The following CSMD1 variants were observed in gnomAD, a reference collection of about 807,000 sequenced individuals.
CSMD1 encodes the protein CUB and sushi domain-containing protein 1.
A neutral mutation model predicts 417.5 loss-of-function variants in CSMD1; 213 were observed. The observed-to-expected ratio is 0.51, with a 90% CI of 0.46 to 0.57. CSMD1 has a LOEUF of 0.57. Ranked by LOEUF, CSMD1 falls within the 20% of genes least tolerant of loss-of-function variation. CSMD1 has a pLI of 0.00. For synonymous variants in CSMD1, 2,862 were observed against 1,736.8 expected (o/e 1.65, Z -16.11); for missense variants, 6,923 against 4,529.7 (o/e 1.53, Z -15.17).
intron 22 of CSMD1, 139 bp downstream of exon 22, chr8:3,347,850 CATT>C: frequency 1.8e-6 from 1 of 563,622 alleles, no homozygotes; most frequent in Non-Finnish European, 2.9e-6. Context: ...TTCTCAAACT[CATT>C]GTGTAAATAA....
At chr8:3,407,614 G>T (rs994491108) in intron 14 of CSMD1, among the ~76,000 whole-genome samples, 2 of 152,172 alleles carry the variant, frequency 1.3e-5, no homozygotes, top group Admixed American at 1.3e-4. Context: ...TGAATGGATG[G>T]ATGGATAAAT....
At chr8:2,972,395 T>C (rs537298779) in intron 57 of CSMD1, among the ~76,000 whole-genome samples, 48 of 152,314 alleles carry the variant, frequency 3.2e-4, no homozygotes, top group African/African-American at 1.1e-3. Flanking sequence ...GAAAATTTAA[T>C]TGAGGAGTTT....
intron 1 of CSMD1, among the ~76,000 whole-genome samples, chr8:4,757,928 C>G (rs987262095): frequency 1.4e-5 from 2 of 147,232 alleles, no homozygotes; most frequent in Non-Finnish European, 3.0e-5. Context: ...CACCTGCACT[C>G]CATCCTGGGC....
intron 3 of CSMD1, among the ~76,000 whole-genome samples, chr8:4,396,627 A>G (rs1037687695): frequency 6.6e-6 from 1 of 151,864 alleles, no homozygotes; most frequent in Non-Finnish European, 1.5e-5. Flanking sequence ...ACACACACAC[A>G]CACACACACA....
chr8:4,076,475 G>C (rs537196677), intron 3 of CSMD1, among the ~76,000 whole-genome samples: 133 of 152,236 alleles, frequency 8.7e-4, no homozygotes, highest in African/African-American at 3.0e-3. Flanking sequence ...GACAGCAGGT[G>C]ATGTTTTTGA....
Position 4,652,851 on chromosome 8 carries a change from G to A in CSMD1, c.86-15293C>T, listed in dbSNP as rs192372617. ...AGACTGCACAAACTAGATCCCTTGC[G>A]TGCACCGTTCACAATAGGGTTCATG... On this transcript the variant is annotated intron_variant, in intron 1 of 69. Coordinates refer to ENST00000635120, the MANE Select transcript of CSMD1 (RefSeq NM_033225.6). Among the ~76,000 whole-genome samples, 332 of 152,190 alleles carry A rather than the reference G, an allele frequency of 2.2e-3. 4 individuals are homozygous for A. Among genetic ancestry groups the A allele is most frequent in the African/African-American group, 7.5e-3 (312 of 41,506 alleles).
intron 65 of CSMD1, 21 bp from the exon 66 acceptor site, chr8:2,951,296 G>T: frequency 1.9e-6 from 3 of 1,588,510 alleles, no homozygotes; most frequent in South Asian, 2.3e-5. Context: ...GGGGGAAACA[G>T]ACCAATGTCA....
intron 38 of CSMD1, 84 bp downstream of exon 38, chr8:3,162,075 T>C: frequency 1.2e-6 from 1 of 851,470 alleles, no homozygotes; most frequent in Non-Finnish European, 1.9e-6. Flanking sequence ...AAAACATGGG[T>C]ACAAAGTGAG....
intron 10 of CSMD1, among the ~76,000 whole-genome samples, chr8:3,567,721 G>T (rs1799774532): frequency 6.6e-6 from 1 of 152,014 alleles, no homozygotes; most frequent in African/African-American, 2.4e-5. Flanking sequence ...TGAATTTCTG[G>T]AACGTCCAAC....
At chr8:4,071,992 C>G (rs1205733084) in intron 3 of CSMD1, among the ~76,000 whole-genome samples, 1 of 152,146 alleles carries the variant, frequency 6.6e-6, no homozygotes, top group East Asian at 1.9e-4. Context: ...GGATTCCTCC[C>G]TCATTTTCTG....
chr8:4,139,872 C>T (rs941810886), intron 3 of CSMD1, among the ~76,000 whole-genome samples: 1 of 150,856 alleles, frequency 6.6e-6, no homozygotes, highest in South Asian at 2.1e-4. Context: ...TTTAGATCAG[C>T]ATGTTCATCA....
At chr8:4,954,607 G>T (rs1808967019) in intron 1 of CSMD1, among the ~76,000 whole-genome samples, 1 of 152,004 alleles carries the variant, frequency 6.6e-6, no homozygotes, top group African/African-American at 2.4e-5. Flanking sequence ...TCTAAAAGAA[G>T]GATATACTAT....
chr8:3,839,087 T>C (rs1802924466), intron 5 of CSMD1, among the ~76,000 whole-genome samples: 3 of 113,760 alleles, frequency 2.6e-5, no homozygotes, highest in Non-Finnish European at 3.5e-5. Flanking sequence ...AGGCTATATA[T>C]AATATAATAT....
intron 2 of CSMD1, among the ~76,000 whole-genome samples, chr8:4,558,627 G>T (rs1401971412): frequency 6.6e-6 from 1 of 152,162 alleles, no homozygotes; most frequent in East Asian, 1.9e-4. Flanking sequence ...AGCACTTTGG[G>T]AGGCTGAGGC....
intron 1 of CSMD1, among the ~76,000 whole-genome samples, chr8:4,765,265 A>G (rs1166243884): frequency 6.6e-6 from 1 of 152,194 alleles, no homozygotes; most frequent in Non-Finnish European, 1.5e-5. Context: ...CATATGTGCC[A>G]CACAAAGAGT....
intron 1 of CSMD1, among the ~76,000 whole-genome samples, chr8:4,775,344 C>G (rs1394513219): frequency 1.3e-5 from 2 of 152,096 alleles, no homozygotes; most frequent in South Asian, 2.1e-4. Context: ...ATGGAAGGAA[C>G]ACTACGAATT....
chr8:4,542,748 G>C lies in CSMD1; in HGVS notation c.302+94594C>G, dbSNP rs988002339. On this transcript the variant is annotated intron_variant, in intron 2 of 69. Transcript: ENST00000635120. The stretch of plus-strand genomic sequence containing the variant: ...CAATGGATGGTCATGAAAAAAATAA[G>C]TGAAAGTACAAAGTAAACATATGGT... 1.1e-3 allele frequency among the ~76,000 whole-genome samples: 172 copies of C among 152,120 alleles called. 1 individual carries two copies. The highest frequency in any genetic ancestry group is 3.9e-3 in the African/African-American group (164 of 41,520).
intron 1 of CSMD1, among the ~76,000 whole-genome samples, chr8:4,712,136 C>A (rs527390795): frequency 7.2e-5 from 11 of 152,216 alleles, no homozygotes; most frequent in Non-Finnish European, 1.6e-4. Flanking sequence ...GTGGTTGAAG[C>A]TGGATGGCAT....
intron 2 of CSMD1, among the ~76,000 whole-genome samples, chr8:4,503,447 C>A (rs752218999): frequency 6.6e-6 from 1 of 152,018 alleles, no homozygotes; most frequent in Non-Finnish European, 1.5e-5. Flanking sequence ...CAATATGTTT[C>A]CAAATAAATT....
Sources: allele counts gnomAD v4.1 joint callset (sites outside exome capture counted in the v4.1 genomes callset), GRCh38; gene constraint gnomAD v4.1.1; transcripts MANE v1.5; gene names NCBI Gene and HGNC (gene_info 2026-07-23, HGNC 2026-07-21).